The following GRM3 variants were observed in gnomAD, a reference collection of about 807,000 sequenced individuals.
GRM3 encodes glutamate metabotropic receptor 3, also known as metabotropic glutamate receptor 3.
A neutral mutation model predicts 70.5 loss-of-function variants in GRM3; 26 were observed. That is an observed-to-expected ratio of 0.37 (90% CI 0.27 to 0.51). The LOEUF is 0.51. GRM3 is among the 20% of genes least tolerant of loss of function. The probability of loss-of-function intolerance (pLI) is 0.93; values close to 1 mark genes in which losing one functional copy is unlikely to be tolerated. For synonymous variants in GRM3, 443 were observed against 434.9 expected, an observed-to-expected ratio of 1.02 and a Z score of -0.23; for missense variants, 859 against 1,123.8, an observed-to-expected ratio of 0.76 and a Z score of 3.37.
At chr7:86,667,011 T>C (rs994303030) in intron 1 of GRM3, among the ~76,000 whole-genome samples, 1 of 152,112 alleles carries the variant, frequency 6.6e-6, no homozygotes, top group Non-Finnish European at 1.5e-5. Context: ...ATAAAGCATA[T>C]TTCTTTCTGG....
intron 1 of GRM3, among the ~76,000 whole-genome samples, chr7:86,714,080 A>C (rs573753988): frequency 6.6e-6 from 1 of 151,972 alleles, no homozygotes; most frequent in African/African-American, 2.4e-5. Flanking sequence ...GCACATCCAC[A>C]CACCAGTCTC....
At chr7:86,735,130 T>A (rs1051199023) in intron 1 of GRM3, among the ~76,000 whole-genome samples, 2 of 152,154 alleles carry the variant, frequency 1.3e-5, no homozygotes, top group Admixed American at 6.5e-5. Flanking sequence ...TTGAAGAGAT[T>A]GTCTTAAAAT....
At position 86,850,403 on chromosome 7, in the gene GRM3, C is replaced by T. The variant is rs1798734036; in HGVS notation, c.2425C>T (p.Leu809=). The T allele has an allele frequency of 4.3e-6, 7 of 1,613,106 alleles. No individual in the cohort carries two copies. Among genetic ancestry groups the T allele is most frequent in the Non-Finnish European group, 5.1e-6 (6 of 1,179,318 alleles). Residue 809 remains leucine (L), a synonymous_variant, in exon 5 of 6, where the codon CTG becomes TTG. Transcript: ENST00000361669. ...GACAACCATGTGCATCTCTGTCAGC[C>T]TGAGTGGCTTTGTGGTCTTGGGCTG... ...QTTTMCISVS[L]SGFVVLGCLF...
intron 3 of GRM3, among the ~76,000 whole-genome samples, chr7:86,804,369 T>G (rs539620157): frequency 3.8e-4 from 58 of 152,330 alleles, no homozygotes; most frequent in African/African-American, 1.3e-3. Context: ...ACAACCCATA[T>G]GCTGAGTACC....
At chr7:86,801,013 G>A (rs1189135633) in intron 3 of GRM3, among the ~76,000 whole-genome samples, 2 of 148,694 alleles carry the variant, frequency 1.3e-5, no homozygotes, top group East Asian at 3.9e-4. Flanking sequence ...TAGTAAACAA[G>A]TTGGCTAGCA....
At chr7:86,654,345 T>C (rs1209754115) in intron 1 of GRM3, among the ~76,000 whole-genome samples, 1 of 152,192 alleles carries the variant, frequency 6.6e-6, no homozygotes, top group Non-Finnish European at 1.5e-5. Context: ...TTTTAATGGT[T>C]TGAATTTTTT....
intron 1 of GRM3, among the ~76,000 whole-genome samples, chr7:86,653,752 T>A (rs1312723384): frequency 2.0e-5 from 3 of 151,978 alleles, no homozygotes; most frequent in Admixed American, 2.0e-4. Flanking sequence ...CTGATATTCT[T>A]ATTAGAAAAC....
At chr7:86,763,553 G>A (rs1796530721) in intron 1 of GRM3, among the ~76,000 whole-genome samples, 2 of 152,078 alleles carry the variant, frequency 1.3e-5, no homozygotes, top group South Asian at 4.1e-4. Flanking sequence ...CCAGACTACT[G>A]TCCAAAACAT....
At chr7:86,687,678 CAG>C (rs1313694802) in intron 1 of GRM3, among the ~76,000 whole-genome samples, 2 of 151,622 alleles carry the variant, frequency 1.3e-5, no homozygotes, top group African/African-American at 4.8e-5. Flanking sequence ...CTTTAGGAAA[CAG>C]TGGAAAAGAA....
At chr7:86,811,920 A>T (rs998356775) in intron 3 of GRM3, among the ~76,000 whole-genome samples, 5 of 151,492 alleles carry the variant, frequency 3.3e-5, no homozygotes, top group African/African-American at 1.2e-4. Context: ...TAGAAAGTTT[A>T]TATAATAGAT....
chr7:86,780,471 C>G (rs1309806042), intron 2 of GRM3, among the ~76,000 whole-genome samples: 1 of 152,182 alleles, frequency 6.6e-6, no homozygotes, highest in Admixed American at 6.5e-5. Context: ...GAAAACATTG[C>G]AACACCTAAG....
intron 1 of GRM3, among the ~76,000 whole-genome samples, chr7:86,673,957 C>T (rs1794239921): frequency 6.6e-6 from 1 of 152,154 alleles, no homozygotes; most frequent in African/African-American, 2.4e-5. Context: ...CTTCTAACCT[C>T]ACCAACTATA....
intron 1 of GRM3, among the ~76,000 whole-genome samples, chr7:86,722,111 G>C (rs987258911): frequency 6.6e-6 from 1 of 152,074 alleles, no homozygotes; most frequent in Non-Finnish European, 1.5e-5. Context: ...ATAGACCCCA[G>C]AGAGGCTTCT....
intron 2 of GRM3, among the ~76,000 whole-genome samples, chr7:86,772,093 G>A (rs1584229865): frequency 6.6e-6 from 1 of 152,098 alleles, no homozygotes; most frequent in African/African-American, 2.4e-5. Context: ...ATTCTTCCAT[G>A]AACTATAAGC....
At chr7:86,683,166 T>C (rs6965718) in intron 1 of GRM3, among the ~76,000 whole-genome samples, 3,071 of 152,158 alleles carry the variant, frequency 0.02, 106 homozygotes, top group African/African-American at 0.07. Flanking sequence ...GCAAAGAGGT[T>C]GAAGAACTAT....
intron 1 of GRM3, among the ~76,000 whole-genome samples, chr7:86,704,646 C>T (rs1795017347): frequency 6.6e-6 from 1 of 151,812 alleles, no homozygotes; most frequent in African/African-American, 2.4e-5. Context: ...CTAGAGGATT[C>T]TGATTGCTGT....
chr7:86,785,370 C>T (rs1797200046), intron 2 of GRM3, among the ~76,000 whole-genome samples: 1 of 152,036 alleles, frequency 6.6e-6, no homozygotes, highest in Non-Finnish European at 1.5e-5. Context: ...GTGTCACTTT[C>T]CTTTTTATTC....
intron 3 of GRM3, among the ~76,000 whole-genome samples, chr7:86,817,638 G>A (rs1798042305): frequency 6.6e-6 from 1 of 151,934 alleles, no homozygotes; most frequent in Admixed American, 6.6e-5. Flanking sequence ...ATATTTCTCA[G>A]ATTTTCTGAG....
intron 1 of GRM3, among the ~76,000 whole-genome samples, chr7:86,689,146 T>C (rs969960789): frequency 6.6e-6 from 1 of 151,410 alleles, no homozygotes; most frequent in Non-Finnish European, 1.5e-5. Flanking sequence ...ATAGTAAAAA[T>C]GTATTGTAAT....
Sources: allele counts gnomAD v4.1 joint callset (sites outside exome capture counted in the v4.1 genomes callset), GRCh38; gene constraint gnomAD v4.1.1; transcripts MANE v1.5; gene names NCBI Gene and HGNC (gene_info 2026-07-23, HGNC 2026-07-21).